SH3RF3: variants seen among roughly 807,000 people sequenced by gnomAD.
The protein encoded by SH3RF3 is SH3 domain containing ring finger 3.
SH3RF3 carries 29 observed loss-of-function variants against 66.3 expected under a neutral mutation model. The ratio of observed to expected loss-of-function variants is 0.44; its 90% CI spans 0.33 to 0.60. The LOEUF (loss-of-function observed/expected upper bound fraction) is 0.60, where lower values mean the gene tolerates loss of function less well. Ranked by LOEUF, SH3RF3 falls within the 20% of genes least tolerant of loss-of-function variation. SH3RF3 has a pLI of 0.04. For missense variants in SH3RF3, 1,194 were observed against 1,190.9 expected (o/e 1.00, Z -0.04); for synonymous variants, 583 against 532.0 (o/e 1.10, Z -1.32).
chr2:109,202,393 C>G (rs1481135017), intron 1 of SH3RF3, among the ~76,000 whole-genome samples: 2 of 152,182 alleles, frequency 1.3e-5, no homozygotes, highest in Admixed American at 1.3e-4. Context: ...GAAGGGACAC[C>G]TAATTGCCCG....
chr2:109,463,690 G>A (rs1304038450), intron 8 of SH3RF3, among the ~76,000 whole-genome samples: 4 of 152,176 alleles, frequency 2.6e-5, no homozygotes, highest in South Asian at 4.1e-4. Flanking sequence ...GTTTGTTTCC[G>A]CTGCAGTCAA....
At chr2:109,132,604 T>C (rs947213341) in intron 1 of SH3RF3, among the ~76,000 whole-genome samples, 6 of 152,210 alleles carry the variant, frequency 3.9e-5, no homozygotes, top group Admixed American at 2.6e-4. Flanking sequence ...GAGTTGGTCT[T>C]TTTATTTGCC....
At chr2:109,467,574 A>T (rs1678388628) in intron 8 of SH3RF3, among the ~76,000 whole-genome samples, 1 of 152,190 alleles carries the variant, frequency 6.6e-6, no homozygotes, top group African/African-American at 2.4e-5. Context: ...CTGCAGGGGG[A>T]TCTGCTAAGT....
At chr2:109,452,738 G>A (rs771263208) in intron 8 of SH3RF3, among the ~76,000 whole-genome samples, 43 of 152,124 alleles carry the variant, frequency 2.8e-4, no homozygotes, top group Non-Finnish European at 5.1e-4. Flanking sequence ...GTGCCAGGAG[G>A]CTTGTCCCCA....
intron 1 of SH3RF3, among the ~76,000 whole-genome samples, chr2:109,189,080 C>G (rs10180227): frequency 3.9e-5 from 6 of 151,910 alleles, no homozygotes; most frequent in Non-Finnish European, 5.9e-5. Context: ...ACTCACTCCC[C>G]CTGAAGCCAC....
At chr2:109,249,534 TCCTTCCTTCCTTCC>T (rs1680021445) in intron 1 of SH3RF3, among the ~76,000 whole-genome samples, 3 of 108,968 alleles carry the variant, frequency 2.8e-5, no homozygotes, top group Middle Eastern at 3.5e-3. Context: ...TTTCTTTCTT[TCCTTCCTTCCTTCC>T]TTCCTTCCTT....
At chr2:109,181,340 A>G (rs1678069664) in intron 1 of SH3RF3, among the ~76,000 whole-genome samples, 1 of 152,216 alleles carries the variant, frequency 6.6e-6, no homozygotes, top group Non-Finnish European at 1.5e-5. Context: ...TGGGTACATT[A>G]CTGTTCACTA....
intron 1 of SH3RF3, among the ~76,000 whole-genome samples, chr2:109,216,384 C>T (rs1260152490): frequency 6.6e-6 from 1 of 152,226 alleles, no homozygotes; most frequent in African/African-American, 2.4e-5. Flanking sequence ...GCTCCAAAAC[C>T]ACCCTCTGTG....
At chr2:109,486,711 G>T (rs540235255) in intron 8 of SH3RF3, among the ~76,000 whole-genome samples, 1 of 152,162 alleles carries the variant, frequency 6.6e-6, no homozygotes, top group African/African-American at 2.4e-5. Context: ...TGTGGTTGGC[G>T]CAGGATGTGT....
At chr2:109,279,337 C>T (rs978303123) in intron 1 of SH3RF3, among the ~76,000 whole-genome samples, 3 of 152,190 alleles carry the variant, frequency 2.0e-5, no homozygotes, top group Non-Finnish European at 4.4e-5. Context: ...AGTGAAGGTT[C>T]AAGCACACTG....
intron 3 of SH3RF3, among the ~76,000 whole-genome samples, chr2:109,398,260 C>T (rs1276820995): frequency 2.0e-5 from 3 of 152,174 alleles, no homozygotes; most frequent in African/African-American, 7.2e-5. Context: ...GTCCCTAGTC[C>T]CTCACTGTCT....
At chr2:109,234,773 A>G (rs1679604458) in intron 1 of SH3RF3, among the ~76,000 whole-genome samples, 1 of 152,200 alleles carries the variant, frequency 6.6e-6, no homozygotes, top group Non-Finnish European at 1.5e-5. Flanking sequence ...TGCTGAAACA[A>G]ATTACATCTT....
intron 1 of SH3RF3, among the ~76,000 whole-genome samples, chr2:109,307,573 C>A (rs531092956): frequency 2.1e-4 from 24 of 115,180 alleles, no homozygotes; most frequent in Admixed American, 1.9e-3. Flanking sequence ...TCCCTCCCCC[C>A]TCCCCCCACC....
Position 109,501,712 on chromosome 2 carries a change from C to T in SH3RF3, c.*41C>T, listed in dbSNP as rs767510032. 205 of 719,728 alleles carry T rather than the reference C, an allele frequency of 2.8e-4. 1 individual carries two copies. In the Admixed American group the frequency reaches 3.8e-3, roughly 13 times the overall value. The allele number at this position is 719,728 out of a possible 1,614,324, so 44.6% of individuals were successfully genotyped here. Reference sequence around the variant, plus strand: ...GCACCCAGCTCACAGAGGGGGAGGCCGCCTGGGAAGCTCCACGGCACACAG... The same window carrying T: ...GCACCCAGCTCACAGAGGGGGAGGCTGCCTGGGAAGCTCCACGGCACACAG... On this transcript the variant is annotated 3_prime_UTR_variant, in exon 10 of 10. Coordinates refer to ENST00000309415, the MANE Select transcript of SH3RF3 (RefSeq NM_001099289.3).
chr2:109,323,387 C>T (rs11689995), intron 1 of SH3RF3, among the ~76,000 whole-genome samples: 58,333 of 152,126 alleles, frequency 0.38, 12,583 homozygotes, highest in Non-Finnish European at 0.49. Flanking sequence ...CCACAATGGG[C>T]ATTTGTGTAA....
At chr2:109,133,827 G>A (rs1676754158) in intron 1 of SH3RF3, among the ~76,000 whole-genome samples, 1 of 151,970 alleles carries the variant, frequency 6.6e-6, no homozygotes, top group Admixed American at 6.6e-5. Flanking sequence ...AGCATAGTTG[G>A]GAATAAGGAC....
At chr2:109,481,116 G>A (rs1176064360) in intron 8 of SH3RF3, among the ~76,000 whole-genome samples, 2 of 152,218 alleles carry the variant, frequency 1.3e-5, no homozygotes, top group African/African-American at 4.8e-5. Flanking sequence ...TGTTCAGAAA[G>A]GCAGGAGAAG....
At chr2:109,293,102 G>A (rs542853307) in intron 1 of SH3RF3, among the ~76,000 whole-genome samples, 6 of 152,302 alleles carry the variant, frequency 3.9e-5, no homozygotes, top group East Asian at 1.9e-4. Flanking sequence ...GGACTGTCTC[G>A]CCATGACACT....
intron 1 of SH3RF3, among the ~76,000 whole-genome samples, chr2:109,244,674 A>T (rs1679869671): frequency 1.3e-5 from 2 of 152,204 alleles, no homozygotes; most frequent in Admixed American, 1.3e-4. Context: ...CAGGGAGGAA[A>T]TATGGAGATG....
Sources: gnomAD v4.1 joint callset for allele counts (sites outside exome capture counted in the v4.1 genomes callset) on GRCh38, gnomAD v4.1.1 for gene constraint, MANE v1.5 for transcripts, NCBI Gene and HGNC (gene_info 2026-07-23, HGNC 2026-07-21) for gene names.